Variants in GRID2 observed in about 807,000 individuals in gnomAD.
GRID2 encodes glutamate ionotropic receptor delta type subunit 2.
GRID2 carries 33 observed loss-of-function variants against 114.8 expected under a neutral mutation model. The observed-to-expected ratio is 0.29, with a 90% confidence interval of 0.22 to 0.38. The LOEUF is 0.38. Ranked by LOEUF, GRID2 falls within the 10% of genes least tolerant of loss-of-function variation. The pLI is 1.00. For missense variants in GRID2, 1,184 were observed against 1,257.7 expected (o/e 0.94, Z 0.89); for synonymous variants, 505 against 449.9 (o/e 1.12, Z -1.55).
rs1040742625 is a variant in GRID2, at chr4:93,520,495, G to A, written c.2193+5084G>A. 2.6e-5 allele frequency among the ~76,000 whole-genome samples: 4 copies of A among 152,236 alleles called. No individual in the cohort carries two copies. The South Asian group carries it at 6.2e-4, about 24-fold the overall frequency. On this transcript the variant is annotated intron_variant, in intron 13 of 15. Transcript: ENST00000282020. ...GAGAGAGGGGACAGGAAGTGCTCCA[G>A]GCAGAGGGAATGCTCATTACAAAAT...
chr4:92,856,215 CA>C (rs1744167577), intron 2 of GRID2, among the ~76,000 whole-genome samples: 1 of 151,856 alleles, frequency 6.6e-6, no homozygotes, highest in African/African-American at 2.4e-5. Context: ...CTTTTTTCAC[CA>C]ACAATTTACA....
chr4:93,474,668 G>A (rs181947709), intron 11 of GRID2, among the ~76,000 whole-genome samples: 16 of 152,062 alleles, frequency 1.1e-4, no homozygotes, highest in East Asian at 5.8e-4. Context: ...ACTTGGAGGC[G>A]GAGACACCAG....
intron 2 of GRID2, among the ~76,000 whole-genome samples, chr4:92,639,367 C>T (rs746273376): frequency 1.5e-4 from 23 of 151,564 alleles, no homozygotes; most frequent in Non-Finnish European, 3.1e-4. Context: ...AATATAAAAA[C>T]AAATGAAGAT....
chr4:92,977,851 T>C (rs1245177432), intron 2 of GRID2, among the ~76,000 whole-genome samples: 5 of 152,166 alleles, frequency 3.3e-5, no homozygotes, highest in African/African-American at 1.2e-4. Flanking sequence ...ATGTCAGTTA[T>C]TGAGAAGGAA....
chr4:93,519,525 G>A (rs1730126836), intron 13 of GRID2, among the ~76,000 whole-genome samples: 1 of 152,112 alleles, frequency 6.6e-6, no homozygotes, highest in African/African-American at 2.4e-5. Flanking sequence ...GGCAGGTAAG[G>A]ATCTGACCAG....
intron 2 of GRID2, among the ~76,000 whole-genome samples, chr4:92,812,088 A>T (rs548947876): frequency 6.6e-6 from 1 of 152,296 alleles, no homozygotes; most frequent in East Asian, 1.9e-4. Context: ...GAAAATCTGT[A>T]CAACCTTTAT....
chr4:93,263,832 A>G (rs1444913901), intron 8 of GRID2, among the ~76,000 whole-genome samples: 1 of 152,156 alleles, frequency 6.6e-6, no homozygotes, highest in East Asian at 1.9e-4. Context: ...AAAGCAGGCT[A>G]CTACTGGTCA....
chr4:93,314,542 C>A (rs990649617), intron 8 of GRID2, among the ~76,000 whole-genome samples: 2 of 151,960 alleles, frequency 1.3e-5, no homozygotes, highest in African/African-American at 4.8e-5. Flanking sequence ...TTCTCCCAGG[C>A]AAAATAGCCT....
In GRID2 at chr4:92,880,590, C is replaced by T. The variant is rs566436754; in HGVS notation, c.245-204405C>T. ...ATCATAGAAAGTGTTTGTTTCGTTT[C>T]AACATATTTCTAATTCATATTTAAG... On this transcript the variant is annotated intron_variant, in intron 2 of 15. Transcript: ENST00000282020. Among the ~76,000 whole-genome samples the T allele has an allele frequency of 2.0e-5, 3 of 152,170 alleles. No homozygotes were observed. The South Asian group carries it at 6.2e-4, about 32-fold the overall frequency.
intron 13 of GRID2, among the ~76,000 whole-genome samples, chr4:93,517,247 T>TA (rs56036832): frequency 0.82 from 125,188 of 151,926 alleles, 52,159 homozygotes; most frequent in African/African-American, 0.94. Flanking sequence ...GATTTGTAAT[T>TA]TAAAGCTTTA....
At chr4:93,707,727 T>C (rs1728132314) in intron 14 of GRID2, among the ~76,000 whole-genome samples, 1 of 151,962 alleles carries the variant, frequency 6.6e-6, no homozygotes, top group South Asian at 2.1e-4. Context: ...TTCCTCTTAC[T>C]AACTTTGGGT....
intron 2 of GRID2, among the ~76,000 whole-genome samples, chr4:92,626,401 G>A (rs1384544469): frequency 5.9e-5 from 9 of 151,902 alleles, no homozygotes; most frequent in Non-Finnish European, 1.0e-4. Context: ...GTGTAATCTT[G>A]AATGCACAAA....
chr4:93,519,181 G>A (rs1730098998), intron 13 of GRID2, among the ~76,000 whole-genome samples: 1 of 152,082 alleles, frequency 6.6e-6, no homozygotes, highest in Non-Finnish European at 1.5e-5. Context: ...TTTTTCTCTG[G>A]TGGGATATCA....
chr4:93,207,528 G>A, intron 5 of GRID2, 71 bp downstream of exon 5: 2 of 954,408 alleles, frequency 2.1e-6, no homozygotes, highest in Non-Finnish European at 3.3e-6. Flanking sequence ...CATTTCCAAT[G>A]GCCTTGAATT....
intron 4 of GRID2, among the ~76,000 whole-genome samples, chr4:93,199,950 G>T (rs1236511206): frequency 2.6e-5 from 4 of 152,158 alleles, no homozygotes; most frequent in Non-Finnish European, 5.9e-5. Flanking sequence ...ACCTTGAGAA[G>T]GTTGGAGTTT....
rs528835515 is a variant in GRID2 at position 93,423,033 on chromosome 4, G to A, written c.1545+65G>A. ...TCAATTATTTGTCTCATACCTAAAG[G>A]TTCAACAGTAACACCTTGAAGCTGA... On this transcript the variant is annotated intron_variant, in intron 10 of 15. Coordinates refer to ENST00000282020, the MANE Select transcript of GRID2 (RefSeq NM_001510.4). 17 of 1,095,810 alleles carry A rather than the reference G, an allele frequency of 1.6e-5. No individual in the cohort carries two copies. The African/African-American group carries it at 1.7e-4, about 11-fold the overall frequency. 67.9% of individuals were successfully genotyped at this position (1,095,810 alleles called of 1,614,324 possible). A position where few individuals can be genotyped will look rare whatever the true frequency, so the allele number is the denominator to read the frequency against.
intron 14 of GRID2, among the ~76,000 whole-genome samples, chr4:93,756,645 C>T (rs1395290782): frequency 1.3e-5 from 2 of 152,134 alleles, no homozygotes; most frequent in Non-Finnish European, 2.9e-5. Context: ...CTTCATCTAA[C>T]CCTAATTACC....
At chr4:92,848,128 A>G (rs1326086751) in intron 2 of GRID2, among the ~76,000 whole-genome samples, 3 of 151,906 alleles carry the variant, frequency 2.0e-5, no homozygotes, top group Non-Finnish European at 2.9e-5. Flanking sequence ...CCATTTCCAC[A>G]GTCATTGATG....
At chr4:92,914,602 G>T (rs1748642249) in intron 2 of GRID2, among the ~76,000 whole-genome samples, 1 of 152,012 alleles carries the variant, frequency 6.6e-6, no homozygotes, top group South Asian at 2.1e-4. Flanking sequence ...CCTAGTGTAT[G>T]TTGTTCCCCT....
Sources: allele counts gnomAD v4.1 joint callset (sites outside exome capture counted in the v4.1 genomes callset), GRCh38; gene constraint gnomAD v4.1.1; transcripts MANE v1.5; gene names NCBI Gene and HGNC (gene_info 2026-07-23, HGNC 2026-07-21).